Variants in LIPA observed in about 807,000 individuals in gnomAD.
LIPA encodes lysosomal acid lipase/cholesteryl ester hydrolase.
A neutral mutation model predicts 40.6 loss-of-function variants in LIPA; 26 were observed. The observed-to-expected ratio is 0.64, with a 90% CI of 0.47 to 0.89. LIPA has a LOEUF of 0.89. LIPA is among the 40% of genes least tolerant of loss of function. The pLI is 0.00. For synonymous variants in LIPA, 188 were observed against 168.4 expected (o/e 1.12, Z -0.90); for missense variants, 455 against 479.6 (o/e 0.95, Z 0.48).
intron 2 of LIPA, chr10:89,412,723 A>G (rs939289903): frequency 2.3e-6 from 1 of 436,608 alleles, no homozygotes; most frequent in East Asian, 7.9e-5. Context: ...CGCCACCTTT[A>G]AGATCTGTAA....
chr10:89,394,634 T>TGTA (rs74313171), intron 2 of LIPA, among the ~76,000 whole-genome samples: 81,875 of 129,964 alleles, frequency 0.63, 27,948 homozygotes, highest in African/African-American at 0.9. Context: ...ATATAAAACT[T>TGTA]GAATTTTATT....
intron 2 of LIPA, chr10:89,402,389 A>G: frequency 6.2e-7 from 1 of 1,614,136 alleles, no homozygotes; most frequent in Non-Finnish European, 8.5e-7. Flanking sequence ...TAGAAAACAG[A>G]GTCTTGGATC....
At position 89,293,276 on chromosome 10, in the gene LIPA, C is replaced by T. The variant is rs563844045; in HGVS notation, c.-1-45627G>A. ...ATGATTGCAAGTTTCCTGAGCCCTC[C>T]CCATGGAACTGTGATTCAGTTAAAC... On this transcript the variant is annotated intron_variant, in intron 1 of 5. Transcript: ENST00000282673. 2.6e-5 allele frequency among the ~76,000 whole-genome samples: 4 copies of T among 152,250 alleles called. No homozygotes were observed. The East Asian group carries it at 7.7e-4, about 29-fold the overall frequency.
chr10:89,318,589 T>C (rs1221971580), intron 1 of LIPA, among the ~76,000 whole-genome samples: 2 of 152,096 alleles, frequency 1.3e-5, no homozygotes, highest in Admixed American at 6.5e-5. Context: ...TACAAAAAGA[T>C]GTAGACTCCC....
upstream of LIPA, among the ~76,000 whole-genome samples, chr10:89,254,527 G>A (rs1028656911): frequency 6.6e-6 from 1 of 152,224 alleles, no homozygotes; most frequent in Non-Finnish European, 1.5e-5. Context: ...CTCTGGGCCT[G>A]TGATGGGAGG....
chr10:89,412,710 A>T (rs1247495881), intron 2 of LIPA: 2 of 431,762 alleles, frequency 4.6e-6, no homozygotes, highest in South Asian at 3.2e-5. Flanking sequence ...ACAACTCCGG[A>T]CGCGCCACCT....
chr10:89,365,485 T>C (rs1183711274), intron 2 of LIPA, among the ~76,000 whole-genome samples: 1 of 152,246 alleles, frequency 6.6e-6, no homozygotes, highest in Non-Finnish European at 1.5e-5. Flanking sequence ...TTGGCTTTTG[T>C]TGCCATTGTT....
Position 89,269,098 on chromosome 10 carries a change from G to T in LIPA, c.-1-21449C>A, listed in dbSNP as rs549382771. 1.1e-3 allele frequency among the ~76,000 whole-genome samples: 161 copies of T among 152,074 alleles called. 1 individual carries two copies. Among genetic ancestry groups the T allele is most frequent in the Non-Finnish European group, 2.1e-3 (144 of 68,016 alleles). On this transcript the variant is annotated intron_variant, in intron 1 of 5. Transcript: ENST00000282673. Reference sequence around the variant, plus strand: ...CCAGCACTTTGGGAGGCTGAGGCAGGTGGACCACCTGAGGTCAAAAGATCG... The same window carrying T: ...CCAGCACTTTGGGAGGCTGAGGCAGTTGGACCACCTGAGGTCAAAAGATCG...
At chr10:89,394,610 A>G (rs1251776260) in intron 2 of LIPA, among the ~76,000 whole-genome samples, 1 of 19,726 alleles carries the variant, frequency 5.1e-5, no homozygotes, top group African/African-American at 3.4e-4. Flanking sequence ...ATATATATAT[A>G]TATATATATA....
intron 1 of LIPA, chr10:89,339,286 G>T: frequency 6.2e-7 from 1 of 1,614,138 alleles, no homozygotes; most frequent in Non-Finnish European, 8.5e-7. Context: ...ATACGTCAAG[G>T]TTCTCTTGGG....
chr10:89,402,851 A>G (rs781755422), intron 2 of LIPA: 4 of 1,614,204 alleles, frequency 2.5e-6, no homozygotes, highest in South Asian at 1.1e-5. Flanking sequence ...ATGGCTTTAA[A>G]TTAGCCACAA....
intron 1 of LIPA, chr10:89,308,267 G>A (rs1843495665): frequency 6.6e-6 from 1 of 152,136 alleles, no homozygotes; most frequent in Non-Finnish European, 1.5e-5. Context: ...GTTTATCTTT[G>A]TAGATTGTAA....
chr10:89,269,358 T>A (rs979513968), intron 1 of LIPA, among the ~76,000 whole-genome samples: 1 of 152,212 alleles, frequency 6.6e-6, no homozygotes, highest in Non-Finnish European at 1.5e-5. Flanking sequence ...AGTTTATTTC[T>A]ATTTTTTAAG....
intron 3 of LIPA, among the ~76,000 whole-genome samples, chr10:89,232,410 C>G (rs1202985259): frequency 6.6e-6 from 1 of 152,210 alleles, no homozygotes; most frequent in Non-Finnish European, 1.5e-5. Flanking sequence ...CCAACAAAAA[C>G]GACTGCAATC....
At chr10:89,292,457 GA>G (rs1204151816) in intron 1 of LIPA, 1 of 152,220 alleles carries the variant, frequency 6.6e-6, no homozygotes, top group Non-Finnish European at 1.5e-5. Context: ...CCACATTAGA[GA>G]ACAGACCACT....
chr10:89,262,870 T>A (rs1843218243), intron 1 of LIPA, among the ~76,000 whole-genome samples: 1 of 152,260 alleles, frequency 6.6e-6, no homozygotes, highest in Non-Finnish European at 1.5e-5. Context: ...GACTCTTGTC[T>A]AGGATTCCTC....
intron 1 of LIPA, among the ~76,000 whole-genome samples, chr10:89,309,487 T>C (rs1843503784): frequency 1.3e-5 from 2 of 152,178 alleles, no homozygotes; most frequent in African/African-American, 4.8e-5. Context: ...CTCACCTTGA[T>C]CTGAGTAAAT....
chr10:89,223,568 T>C, intron 7 of LIPA, 116 bp downstream of exon 7: 4 of 906,284 alleles, frequency 4.4e-6, no homozygotes, highest in Non-Finnish European at 7.1e-6. Context: ...GCCTCTCAAA[T>C]GAAAGACTCT....
intron 1 of LIPA, among the ~76,000 whole-genome samples, chr10:89,271,366 A>G (rs1843264847): frequency 6.6e-6 from 1 of 152,214 alleles, no homozygotes; most frequent in Non-Finnish European, 1.5e-5. Context: ...AGGAGAGATG[A>G]CCAGAGTGAT....
Sources: gnomAD v4.1 joint callset for allele counts (sites outside exome capture counted in the v4.1 genomes callset) on GRCh38, gnomAD v4.1.1 for gene constraint, MANE v1.5 for transcripts, NCBI Gene and HGNC (gene_info 2026-07-23, HGNC 2026-07-21) for gene names.